The following TAF2 variants were observed in gnomAD, a reference collection of about 807,000 sequenced individuals.
TAF2 encodes transcription initiation factor TFIID subunit 2.
Under a neutral mutation model 138.5 loss-of-function variants are expected in TAF2, and 61 were observed. The observed-to-expected ratio is 0.44, with a 90% CI of 0.36 to 0.54. The LOEUF is 0.54. TAF2 is among the 20% of genes least tolerant of loss of function. The pLI is 0.00. For synonymous variants in TAF2, 475 were observed against 469.9 expected (o/e 1.01, Z -0.14); for missense variants, 1,090 against 1,427.9 (o/e 0.76, Z 3.81).
rs573142967 is a variant in TAF2, at chr8:119,773,134, C to T, written c.2364+4885G>A. Reference sequence around the variant, plus strand: ...TATGGTTACCTTTCTTTAAAATTTTCCTTTTTTAAAAAGATAGGAGAAGAA... The same window carrying T: ...TATGGTTACCTTTCTTTAAAATTTTTCTTTTTTAAAAAGATAGGAGAAGAA... On this transcript the variant is annotated intron_variant, in intron 18 of 25. Coordinates refer to ENST00000378164, the MANE Select transcript of TAF2 (RefSeq NM_003184.4). Among the ~76,000 whole-genome samples, 348 of 149,042 alleles carry T rather than the reference C, an allele frequency of 2.3e-3. 2 individuals carry two copies. The highest frequency in any genetic ancestry group is 8.1e-3 in the African/African-American group (332 of 41,088).
chr8:119,745,775 G>C (rs1819916096), intron 23 of TAF2, among the ~76,000 whole-genome samples: 1 of 150,088 alleles, frequency 6.7e-6, no homozygotes, highest in Admixed American at 6.7e-5. Context: ...AGAAATAAAA[G>C]CTTCTCTAAA....
intron 3 of TAF2, 112 bp downstream of exon 3, chr8:119,819,234 C>T: frequency 9.0e-7 from 1 of 1,110,102 alleles, no homozygotes; most frequent in Non-Finnish European, 1.3e-6. Flanking sequence ...GATTGGGATT[C>T]AAAGCCCATT....
At chr8:119,760,095 A>T (rs921658679) in intron 20 of TAF2, among the ~76,000 whole-genome samples, 23 of 151,966 alleles carry the variant, frequency 1.5e-4, no homozygotes, top group Non-Finnish European at 2.8e-4. Flanking sequence ...ATTCTTCACG[A>T]CTTTTTAACA....
chr8:119,766,986 C>T (rs764992708), intron 18 of TAF2: 1 of 152,156 alleles, frequency 6.6e-6, no homozygotes, highest in Non-Finnish European at 1.5e-5. Flanking sequence ...TACACACATA[C>T]ACATATGTGC....
At chr8:119,751,633 T>C (rs977504977) in intron 22 of TAF2, among the ~76,000 whole-genome samples, 1 of 152,176 alleles carries the variant, frequency 6.6e-6, no homozygotes, top group Non-Finnish European at 1.5e-5. Flanking sequence ...TCTCTTTCCA[T>C]TATACTTAGT....
At chr8:119,783,739 T>C in intron 15 of TAF2, 106 bp from the exon 16 acceptor site, 10 of 1,384,190 alleles carry the variant, frequency 7.2e-6, no homozygotes, top group Admixed American at 2.1e-5. Flanking sequence ...CTTTTAGATG[T>C]AGTATTCAAG....
Position 119,778,237 on chromosome 8 carries a change from T to C in TAF2, c.2254-108A>G. On this transcript the variant is annotated intron_variant, in intron 17 of 25. Transcript: ENST00000378164. ...GGTTACTCTTGGGCTGACATAGATA[T>C]CTGGATGGAGCCTAACACCTCCACA... 4.4e-6 allele frequency: 3 copies of C among 674,810 alleles called. No homozygotes were observed. The South Asian group carries it at 5.2e-5, about 12-fold the overall frequency. 41.8% of individuals were successfully genotyped at this position (674,810 alleles called of 1,614,324 possible).
Position 119,768,855 on chromosome 8 carries a change from C to T in TAF2, c.2365-6247G>A, listed in dbSNP as rs576165665. Among the ~76,000 whole-genome samples the T allele has an allele frequency of 2.0e-5, 3 of 152,290 alleles. No individual in the cohort carries two copies. In the South Asian group the frequency reaches 6.2e-4, roughly 32 times the overall value. ...CTGAGTGAGGAGTTCCAGCGTGAAA[C>T]CACTCCAGTGGAGAGCCAGGGGAGA... is the stretch of plus-strand genomic sequence containing the variant. On this transcript the variant is annotated intron_variant, in intron 18 of 25. Coordinates refer to ENST00000378164, the MANE Select transcript of TAF2 (RefSeq NM_003184.4).
At chr8:119,754,257 C>T (rs1820549901) in intron 22 of TAF2, among the ~76,000 whole-genome samples, 1 of 151,666 alleles carries the variant, frequency 6.6e-6, no homozygotes, top group African/African-American at 2.4e-5. Flanking sequence ...TATTAGTGAA[C>T]TAAGTAATAA....
chr8:119,825,583 T>C (rs370663859), intron 2 of TAF2, among the ~76,000 whole-genome samples: 5 of 152,170 alleles, frequency 3.3e-5, no homozygotes, highest in African/African-American at 9.7e-5. Flanking sequence ...TGAATTCCCA[T>C]GCGTTGTGGG....
At chr8:119,801,010 G>GT (rs1164201384) in intron 6 of TAF2, among the ~76,000 whole-genome samples, 3 of 152,190 alleles carry the variant, frequency 2.0e-5, no homozygotes, top group African/African-American at 7.2e-5. Flanking sequence ...GATAAGATAT[G>GT]TGCTGGGAAG....
intron 3 of TAF2, among the ~76,000 whole-genome samples, chr8:119,816,226 A>G (rs1825465590): frequency 7.1e-6 from 1 of 140,996 alleles, no homozygotes; most frequent in South Asian, 2.3e-4. Flanking sequence ...AATTTTTTGT[A>G]TTTTTTTTTT....
intron 4 of TAF2, 136 bp downstream of exon 4, chr8:119,806,147 C>T: frequency 1.3e-6 from 1 of 776,356 alleles, no homozygotes; most frequent in Non-Finnish European, 2.2e-6. Flanking sequence ...GGTGATCCAC[C>T]CGCCTCAGCC....
chr8:119,778,530 A>G (rs1358270809), intron 17 of TAF2, among the ~76,000 whole-genome samples: 1 of 152,086 alleles, frequency 6.6e-6, no homozygotes, highest in Non-Finnish European at 1.5e-5. Context: ...CCATTATTCA[A>G]CTCCTAAGCT....
chr8:119,818,297 C>T (rs993646075), intron 3 of TAF2, among the ~76,000 whole-genome samples: 8 of 152,182 alleles, frequency 5.3e-5, no homozygotes, highest in Non-Finnish European at 4.4e-5. Flanking sequence ...CCAGTTGATG[C>T]TGATGCTTGT....
intron 2 of TAF2, among the ~76,000 whole-genome samples, chr8:119,819,969 T>C (rs1586538216): frequency 1.3e-5 from 2 of 151,994 alleles, no homozygotes; most frequent in African/African-American, 4.8e-5. Context: ...TTAGGACAGG[T>C]AAAACAGCAA....
chr8:119,814,515 A>C (rs1586520136), intron 3 of TAF2, among the ~76,000 whole-genome samples: 1 of 152,178 alleles, frequency 6.6e-6, no homozygotes, highest in East Asian at 1.9e-4. Flanking sequence ...ACTAAAATAG[A>C]TAATTTCATT....
intron 18 of TAF2, among the ~76,000 whole-genome samples, chr8:119,769,711 A>G (rs985382004): frequency 6.6e-6 from 1 of 151,842 alleles, no homozygotes; most frequent in African/African-American, 2.4e-5. Context: ...AAGCAGAAGA[A>G]AGAATTTCAG....
At chr8:119,760,245 G>T (rs1485806282) in intron 20 of TAF2, among the ~76,000 whole-genome samples, 2 of 151,964 alleles carry the variant, frequency 1.3e-5, no homozygotes. Context: ...TTTATGTCTA[G>T]TCCTCTACTT....
Sources: allele counts gnomAD v4.1 joint callset (sites outside exome capture counted in the v4.1 genomes callset), GRCh38; gene constraint gnomAD v4.1.1; transcripts MANE v1.5; gene names NCBI Gene and HGNC (gene_info 2026-07-23, HGNC 2026-07-21).